The following NAV1 variants were observed in gnomAD, a reference collection of about 807,000 sequenced individuals.
NAV1 encodes the protein neuron navigator 1.
Under a neutral mutation model 175.2 loss-of-function variants are expected in NAV1, and 18 were observed. The ratio of observed to expected loss-of-function variants is 0.10; its 90% CI spans 0.07 to 0.15. The LOEUF is 0.15. Among genes scored for constraint, NAV1 ranks in the 10% least tolerant of loss-of-function variants. The probability of loss-of-function intolerance (pLI) is 1.00; values close to 1 mark genes in which losing one functional copy is unlikely to be tolerated. For synonymous variants in NAV1, 897 were observed against 978.7 expected (o/e 0.92, Z 1.56); for missense variants, 1,731 against 2,436.6 (o/e 0.71, Z 6.10).
At chr1:201,550,635 A>G (rs564803997) in intron 1 of NAV1, among the ~76,000 whole-genome samples, 6 of 152,362 alleles carry the variant, frequency 3.9e-5, no homozygotes, top group Non-Finnish European at 7.3e-5. Context: ...TGTGAAAGCT[A>G]AAGTTAAGTA....
intron 2 of NAV1, among the ~76,000 whole-genome samples, chr1:201,595,182 C>T (rs1440968016): frequency 6.6e-6 from 1 of 152,186 alleles, no homozygotes; most frequent in Admixed American, 6.5e-5. Context: ...GAATCTCAGG[C>T]CGAGCTAAGG....
exon 30 of NAV1, chr1:201,826,838 A>G (rs564474214): frequency 6.6e-6 from 1 of 152,326 alleles, no homozygotes; most frequent in East Asian, 1.9e-4. Context: ...GAGCCAGCTG[A>G]AGAGGCCTTC....
chr1:201,812,645 C>G lies in NAV1; in HGVS notation c.5205C>G (p.Thr1735=). The G allele has an allele frequency of 1.2e-6, 2 of 1,613,596 alleles. No individual in the cohort carries two copies. Among genetic ancestry groups the G allele is most frequent in the African/African-American group, 2.7e-5 (2 of 75,042 alleles). Residue 1735 remains threonine (T), a synonymous_variant, in exon 27 of 30, where the codon ACC becomes ACG. Transcript: ENST00000367296. The surrounding 1 kb of genome is among the most constrained non-coding windows in gnomAD (Gnocchi z 4.6). ...ACACCTTCCTTGAGAAGCACAGCAC[C>G]TCAGACTTCCTCATCGGTACTGGGG...
exon 1 of NAV1, chr1:201,648,310 C>A (rs1669046644): frequency 8.8e-7 from 1 of 1,138,332 alleles, no homozygotes; most frequent in Non-Finnish European, 1.1e-6. Flanking sequence ...AAAAGCACCG[C>A]TGGGCGCCGG....
rs144913039 is a variant in NAV1 at position 201,665,510 on chromosome 1, C to T, written c.757+16085C>T. 6.0e-3 allele frequency among the ~76,000 whole-genome samples: 912 copies of T among 152,096 alleles called. 10 individuals carry two copies. The highest frequency in any genetic ancestry group is 0.021 in the African/African-American group (861 of 41,498). On this transcript the variant is annotated intron_variant, in intron 1 of 29. Transcript: ENST00000367296. ...AGCTCATGTAGGAAACCACTAGATG[C>T]AGAATAATCTTTGAAAAGCCCTCTC...
intron 29 of NAV1, among the ~76,000 whole-genome samples, chr1:201,817,895 A>G (rs1679155671): frequency 6.6e-6 from 1 of 152,116 alleles, no homozygotes; most frequent in African/African-American, 2.4e-5. Context: ...AAAGACTGGT[A>G]TCTAAAATAT....
At chr1:201,650,132 G>A (rs375325256) in intron 1 of NAV1, among the ~76,000 whole-genome samples, 6 of 152,372 alleles carry the variant, frequency 3.9e-5, no homozygotes, top group East Asian at 1.9e-4. Flanking sequence ...ACTCCTGTTT[G>A]ACCGGGAAGC....
chr1:201,804,510 G>T lies in NAV1; in HGVS notation c.3648+13G>T. 3 of 1,531,508 alleles carry T rather than the reference G, an allele frequency of 2.0e-6. No individual in the cohort carries two copies. The highest frequency in any genetic ancestry group is 2.6e-6 in the Non-Finnish European group (3 of 1,140,454). 94.9% of individuals were successfully genotyped at this position (1,531,508 alleles called of 1,614,324 possible). A position where few individuals can be genotyped will look rare whatever the true frequency, so the allele number is the denominator to read the frequency against. ...CCAGGTCTATGAGGTAAGAGACCCA[G>T]TTCCTATCCCCTTATTTTCTCTTTC... is the stretch of plus-strand genomic sequence containing the variant. On this transcript the variant is annotated intron_variant, in intron 17 of 29. Coordinates refer to ENST00000367296, the Ensembl canonical transcript of NAV1.
rs545554681 is a variant in NAV1 at position 201,579,111 on chromosome 1, C to A, written c.-143-9428C>A. ...TCACACCGTTGCACTCTAGCCTGAGCGGCAAGAGCAAAACTCAGTCTCAAA... is the reference window on the plus strand; with the variant it reads ...TCACACCGTTGCACTCTAGCCTGAGAGGCAAGAGCAAAACTCAGTCTCAAA... On this transcript the variant is annotated intron_variant, in intron 1 of 33. Coordinates refer to the NAV1 transcript ENST00000685211. Among the ~76,000 whole-genome samples, 4 of 151,518 alleles carry A rather than the reference C, an allele frequency of 2.6e-5. No individual in the cohort carries two copies. In the East Asian group the frequency reaches 7.8e-4, roughly 30 times the overall value.
chr1:201,567,404 G>A (rs1666388742), intron 1 of NAV1, among the ~76,000 whole-genome samples: 1 of 152,234 alleles, frequency 6.6e-6, no homozygotes. Flanking sequence ...GGGCCACTGG[G>A]TGAAGTGCTC....
chr1:201,611,031 C>G (rs932793265), intron 2 of NAV1, among the ~76,000 whole-genome samples: 1 of 152,110 alleles, frequency 6.6e-6, no homozygotes, highest in Non-Finnish European at 1.5e-5. Flanking sequence ...CAGGAGCCAG[C>G]CAGGCCGGCG....
chr1:201,817,289 A>T lies in NAV1; in HGVS notation c.5538+4A>T, dbSNP rs755382163. 6.2e-7 allele frequency: 1 copy of T among 1,613,802 alleles called. No individual in the cohort carries two copies. Among genetic ancestry groups the T allele is most frequent in the South Asian group, 1.1e-5 (1 of 91,062 alleles). ...TTCTCTGGACTCAGATCCTCTGGTGAGTAGAAGCCATTCTAGAGTAAAAAT... is the reference window on the plus strand; with the variant it reads ...TTCTCTGGACTCAGATCCTCTGGTGTGTAGAAGCCATTCTAGAGTAAAAAT... On this transcript the variant is annotated splice_donor_region_variant and intron_variant, in intron 29 of 29. Coordinates refer to ENST00000367296, the Ensembl canonical transcript of NAV1.
chr1:201,551,527 C>A (rs989306356), intron 1 of NAV1, among the ~76,000 whole-genome samples: 2 of 152,204 alleles, frequency 1.3e-5, no homozygotes, highest in South Asian at 2.1e-4. Context: ...CCTCGCCCAG[C>A]GCCACAGTGT....
At chr1:201,603,748 A>G (rs1667590002) in intron 2 of NAV1, among the ~76,000 whole-genome samples, 1 of 152,062 alleles carries the variant, frequency 6.6e-6, no homozygotes. Context: ...TGTTATCCCC[A>G]TTTTACAGAT....
At chr1:201,559,217 T>A (rs181680020) in intron 1 of NAV1, among the ~76,000 whole-genome samples, 19 of 152,278 alleles carry the variant, frequency 1.2e-4, no homozygotes, top group African/African-American at 4.1e-4. Context: ...GGGGGTTATT[T>A]ATGGTCCTTA....
At chr1:201,653,129 G>A (rs921896892) in intron 1 of NAV1, among the ~76,000 whole-genome samples, 6 of 152,192 alleles carry the variant, frequency 3.9e-5, no homozygotes, top group South Asian at 4.1e-4. Flanking sequence ...CAAAAAAGCA[G>A]AAGCCGAACA....
Position 201,810,408 on chromosome 1 carries a change from A to C in NAV1, c.4562-115A>C. On this transcript the variant is annotated intron_variant, in intron 23 of 29. Coordinates refer to ENST00000367296, the Ensembl canonical transcript of NAV1. This position sits in a 1 kb window ranked among gnomAD's most constrained non-coding sequence, Gnocchi z 6.0. ...GGGACTCTTATGGAACCATGGGGCA[A>C]GTGGCTCTGAGTTTCTTCAGGGGGC... The C allele has an allele frequency of 1.0e-6, 1 of 998,242 alleles. No individual in the cohort carries two copies. Among genetic ancestry groups the C allele is most frequent in the Non-Finnish European group, 1.5e-6 (1 of 681,740 alleles). The allele number at this position is 998,242 out of a possible 1,614,324, so 61.8% of individuals were successfully genotyped here.
At chr1:201,667,196 C>CA (rs1669857894) in intron 1 of NAV1, among the ~76,000 whole-genome samples, 2 of 152,240 alleles carry the variant, frequency 1.3e-5, no homozygotes, top group Admixed American at 6.5e-5. Context: ...TGCTAAGGAT[C>CA]ACCTGGGGCT....
chr1:201,815,431 A>G (rs1558197032), intron 28 of NAV1, among the ~76,000 whole-genome samples: 4 of 152,206 alleles, frequency 2.6e-5, no homozygotes, highest in African/African-American at 9.7e-5. Context: ...ATTTGCAACA[A>G]CATGGATAAA....
Sources: allele counts gnomAD v4.1 joint callset (sites outside exome capture counted in the v4.1 genomes callset), GRCh38; gene constraint gnomAD v4.1.1; non-coding constraint Gnocchi (gnomAD v3.1); transcripts MANE v1.5; gene names NCBI Gene and HGNC (gene_info 2026-07-23, HGNC 2026-07-21).